Variants in USP34 observed in about 807,000 individuals in gnomAD.
USP34 encodes the protein ubiquitin specific peptidase 34, also known as ubiquitin carboxyl-terminal hydrolase 34.
Under a neutral mutation model 460.3 loss-of-function variants are expected in USP34, and 70 were observed. The ratio of observed to expected loss-of-function variants is 0.15; its 90% CI spans 0.13 to 0.19. USP34 has a LOEUF of 0.19. Among genes scored for constraint, USP34 ranks in the 10% least tolerant of loss-of-function variants. USP34 has a pLI of 1.00. For missense variants in USP34, 3,985 were observed against 4,236.2 expected (o/e 0.94, Z 1.65); for synonymous variants, 1,647 against 1,405.3 (o/e 1.17, Z -3.85).
intron 29 of USP34, 128 bp downstream of exon 29, chr2:61,300,823 C>CAAAAAAAAAAAAAAA (rs373533620): frequency 2.4e-6 from 1 of 424,546 alleles, no homozygotes; most frequent in Non-Finnish European, 3.6e-6. Flanking sequence ...AAAAAATGAA[C>CAAAAAAAAAAAAAAA]AAAAAAAAAA....
rs537408221 is a variant in USP34, at chr2:61,287,849, C to T, written c.4749+828G>A. 3.9e-5 allele frequency among the ~76,000 whole-genome samples: 6 copies of T among 152,220 alleles called. 1 individual carries two copies. The South Asian group carries it at 1.2e-3, about 32-fold the overall frequency. On this transcript the variant is annotated intron_variant, in intron 34 of 79. Coordinates refer to ENST00000398571, the MANE Select transcript of USP34 (RefSeq NM_014709.4). ...TTTTGACTGTATGGAGGGTCAGCAT[C>T]CTTAACTCCTCTATTTTTCAAGGGC...
chr2:61,315,370 C>T (rs1157445133), intron 23 of USP34, among the ~76,000 whole-genome samples: 1 of 151,944 alleles, frequency 6.6e-6, no homozygotes, highest in African/African-American at 2.4e-5. Context: ...CAAGTTCTCA[C>T]CCAATTTTTT....
intron 3 of USP34, among the ~76,000 whole-genome samples, chr2:61,396,054 C>CAA (rs771466849): frequency 1.4e-4 from 10 of 69,860 alleles, no homozygotes; most frequent in Non-Finnish European, 2.4e-4. Flanking sequence ...AAAACTGTCT[C>CAA]AAAAAAAAAA....
At chr2:61,231,791 G>T (rs968736263) in intron 58 of USP34, among the ~76,000 whole-genome samples, 3 of 134,896 alleles carry the variant, frequency 2.2e-5, no homozygotes, top group Non-Finnish European at 3.2e-5. Flanking sequence ...AGGACTGCTT[G>T]TGACAGAGCA....
intron 51 of USP34, among the ~76,000 whole-genome samples, chr2:61,243,772 G>A (rs1406614681): frequency 2.6e-5 from 4 of 151,394 alleles, no homozygotes; most frequent in Non-Finnish European, 5.9e-5. Flanking sequence ...TCGGGAGGCC[G>A]AGGCAGGAGA....
intron 27 of USP34, among the ~76,000 whole-genome samples, chr2:61,305,702 G>C (rs1472561211): frequency 6.6e-6 from 1 of 151,950 alleles, no homozygotes; most frequent in Non-Finnish European, 1.5e-5. Context: ...ACTAAACCCA[G>C]ATCTCAAACA....
At chr2:61,405,053 C>A (rs1693826882) in intron 3 of USP34, among the ~76,000 whole-genome samples, 2 of 151,486 alleles carry the variant, frequency 1.3e-5, no homozygotes, top group Admixed American at 1.3e-4. Context: ...CGGTGAAACC[C>A]CGTCTCTACT....
rs183540051 is a variant in USP34, at chr2:61,438,895, G to T, written c.44-18062C>A. Among the ~76,000 whole-genome samples the T allele has an allele frequency of 1.1e-4, 16 of 152,248 alleles. No homozygotes were observed. The East Asian group carries it at 3.1e-3, about 29-fold the overall frequency. On this transcript the variant is annotated intron_variant, in intron 1 of 79. Coordinates refer to ENST00000398571, the MANE Select transcript of USP34 (RefSeq NM_014709.4). The stretch of plus-strand genomic sequence containing the variant: ...TGTCCCTGTGTTTGCAGCTGCAGAT[G>T]ACATGACCTTATATATAGTAAAACC...
At chr2:61,322,955 T>TA (rs3836124) in intron 21 of USP34, among the ~76,000 whole-genome samples, 55,656 of 152,054 alleles carry the variant, frequency 0.37, 10,189 homozygotes, top group African/African-American at 0.38. Flanking sequence ...ATGAGCAACT[T>TA]AAACACTTTT....
chr2:61,194,641 G>A (rs568603496), intron 75 of USP34, among the ~76,000 whole-genome samples: 23 of 152,320 alleles, frequency 1.5e-4, no homozygotes, highest in Admixed American at 3.3e-4. Context: ...TAAGACTGCA[G>A]GCTGGGACAA....
chr2:61,384,913 G>A (rs1000815250), intron 5 of USP34, among the ~76,000 whole-genome samples: 1 of 151,886 alleles, frequency 6.6e-6, no homozygotes, highest in Admixed American at 6.6e-5. Flanking sequence ...GGACTAGAAA[G>A]AAGAATTTAA....
intron 43 of USP34, among the ~76,000 whole-genome samples, chr2:61,264,480 A>G (rs930278611): frequency 6.6e-6 from 1 of 151,116 alleles, no homozygotes; most frequent in African/African-American, 2.4e-5. Flanking sequence ...ACAAAAAGTA[A>G]AAGTAAAAAA....
At position 61,348,892 on chromosome 2, in the gene USP34, T is replaced by C. The variant is rs767691768; in HGVS notation, c.1544-6A>G. On this transcript the variant is annotated splice_region_variant and splice_polypyrimidine_tract_variant and intron_variant, in intron 13 of 79. Coordinates refer to ENST00000398571, the MANE Select transcript of USP34 (RefSeq NM_014709.4). Reference sequence around the variant, plus strand: ...AGGACTAGCTGCAGGTGACCCTATATAAAATACATTTTTTGTTTTTACTTC... The same window carrying C: ...AGGACTAGCTGCAGGTGACCCTATACAAAATACATTTTTTGTTTTTACTTC... 3 of 1,592,802 alleles carry C rather than the reference T, an allele frequency of 1.9e-6. No homozygotes were observed. Among genetic ancestry groups the C allele is most frequent in the South Asian group, 2.3e-5 (2 of 86,610 alleles).
intron 5 of USP34, among the ~76,000 whole-genome samples, chr2:61,383,628 C>T (rs1192815355): frequency 6.6e-6 from 1 of 151,568 alleles, no homozygotes; most frequent in African/African-American, 2.4e-5. Flanking sequence ...GCTTGAACCC[C>T]CACCCCCGGG....
chr2:61,241,602 A>G lies in USP34; in HGVS notation c.6735T>C (p.Asn2245=). ...AAACATCAAATTTGTATTCTCTGCC[A>G]TTTTCTTCCTCTGGTTCCATGCGTT... ...FYKRMEPEEE[N]GREYKFDVSS... The change falls in exon 53 of 80, where the codon AAT becomes AAC. Residue 2245 remains asparagine, a synonymous_variant. Transcript: ENST00000398571. The G allele has an allele frequency of 6.2e-7, 1 of 1,610,648 alleles. No individual in the cohort carries two copies. Among genetic ancestry groups the G allele is most frequent in the South Asian group, 1.1e-5 (1 of 90,250 alleles).
chr2:61,235,836 TCA>T lies in USP34; in HGVS notation c.7032+7_7032+8del, dbSNP rs1342697603. 6.2e-7 allele frequency: 1 copy of T among 1,610,662 alleles called. No homozygotes were observed. The highest frequency in any genetic ancestry group is 1.7e-5 in the Admixed American group (1 of 59,272). ...AAACTATGCATTAGTTGTTGAATTATCACCTTACCTCACAAGCTGCCTGACTA... is the reference window on the plus strand; with the variant it reads ...AAACTATGCATTAGTTGTTGAATTATCCTTACCTCACAAGCTGCCTGACTA... On this transcript the variant is annotated splice_region_variant and intron_variant, in intron 57 of 79. Coordinates refer to ENST00000398571, the MANE Select transcript of USP34 (RefSeq NM_014709.4).
At chr2:61,259,227 C>G (rs1688805508) in intron 44 of USP34, among the ~76,000 whole-genome samples, 1 of 151,816 alleles carries the variant, frequency 6.6e-6, no homozygotes, top group Non-Finnish European at 1.5e-5. Flanking sequence ...CCACTGCACT[C>G]CAGCCTGAGT....
intron 51 of USP34, 41 bp downstream of exon 51, chr2:61,245,169 G>C (rs749919419): frequency 1.3e-6 from 2 of 1,497,516 alleles, no homozygotes; most frequent in African/African-American, 1.4e-5. Context: ...CAAAGCACTT[G>C]GAAGGACACA....
At chr2:61,248,884 C>T (rs1162879643) in intron 48 of USP34, among the ~76,000 whole-genome samples, 3 of 152,158 alleles carry the variant, frequency 2.0e-5, no homozygotes, top group Non-Finnish European at 4.4e-5. Context: ...ATATACACTA[C>T]GGTTTCTCCT....
Sources: allele counts gnomAD v4.1 joint callset (sites outside exome capture counted in the v4.1 genomes callset), GRCh38; gene constraint gnomAD v4.1.1; transcripts MANE v1.5; gene names NCBI Gene and HGNC (gene_info 2026-07-23, HGNC 2026-07-21).